The following RRBP1 variants were observed in gnomAD, a reference collection of about 807,000 sequenced individuals.
The protein encoded by RRBP1 is ribosome binding protein 1.
RRBP1 carries 94 observed loss-of-function variants against 165.2 expected under a neutral mutation model. That is an observed-to-expected ratio of 0.57 (90% CI 0.48 to 0.68). The LOEUF is 0.68. Among genes scored for constraint, RRBP1 ranks in the 30% least tolerant of loss-of-function variants. The probability of loss-of-function intolerance (pLI) is 0.00; values close to 1 mark genes in which losing one functional copy is unlikely to be tolerated. For missense variants in RRBP1, 1,676 were observed against 1,763.0 expected (o/e 0.95, Z 0.88); for synonymous variants, 680 against 714.5 (o/e 0.95, Z 0.77).
At chr20:17,633,430 G>A in intron 8 of RRBP1, 30 bp downstream of exon 8, 1 of 1,603,670 alleles carries the variant, frequency 6.2e-7, no homozygotes, top group Non-Finnish European at 8.5e-7. Context: ...CAGTGAACAG[G>A]GCACTGAGGC....
intron 2 of RRBP1, among the ~76,000 whole-genome samples, chr20:17,664,541 C>T (rs2036831517): frequency 6.6e-6 from 1 of 152,236 alleles, no homozygotes; most frequent in Non-Finnish European, 1.5e-5. Flanking sequence ...ACTGAACTCA[C>T]TGGCCCACCT....
chr20:17,631,149 T>C (rs1371100282), intron 8 of RRBP1, among the ~76,000 whole-genome samples: 1 of 152,236 alleles, frequency 6.6e-6, no homozygotes, highest in Non-Finnish European at 1.5e-5. Flanking sequence ...AAGGAGTGAC[T>C]GCAAGCTGCT....
chr20:17,669,236 G>T (rs1391949097), intron 2 of RRBP1, among the ~76,000 whole-genome samples: 1 of 152,148 alleles, frequency 6.6e-6, no homozygotes, highest in East Asian at 1.9e-4. Context: ...ATGCCTGAGG[G>T]GGGTAAAAAA....
intron 15 of RRBP1, 57 bp downstream of exon 15, chr20:17,621,633 C>T (rs1305394255): frequency 6.3e-7 from 1 of 1,597,280 alleles, no homozygotes; most frequent in African/African-American, 1.3e-5. Context: ...GGGGCAGCCC[C>T]TCTTCCTGGG....
At chr20:17,662,849 C>A (rs1046764963) in intron 2 of RRBP1, among the ~76,000 whole-genome samples, 1 of 152,032 alleles carries the variant, frequency 6.6e-6, no homozygotes, top group Non-Finnish European at 1.5e-5. Context: ...CAGAACTCTG[C>A]CAAAATGGAC....
intron 2 of RRBP1, among the ~76,000 whole-genome samples, chr20:17,663,710 G>C (rs1468219372): frequency 6.6e-6 from 1 of 152,186 alleles, no homozygotes; most frequent in Non-Finnish European, 1.5e-5. Context: ...AAATGATGAA[G>C]CCAGGGATGC....
Position 17,635,646 on chromosome 20 carries a change from G to C in RRBP1, c.2356C>G (p.Gln786Glu). The change falls in exon 7 of 25, where the codon CAG becomes GAG. Residue 786 changes from glutamine to glutamate, a missense_variant. Gln to Glu is a conservative substitution (Grantham distance 29). This residue lies in a region of RRBP1 where 1,184 missense variants were observed against 1,167.1 expected (regional missense o/e 1.01). Transcript: ENST00000377813. ...TGCGTGTTGGGGCCATTCTCCAGCT[G>C]CTCCTGAAGAGTCCGGATCTGGAAA... Reference protein sequence around the residue: ...LQGKIRTLQEQLENGPNTQLA... With the variant: ...LQGKIRTLQEELENGPNTQLA... 6.2e-7 allele frequency: 1 copy of C among 1,613,430 alleles called. No individual in the cohort carries two copies. The highest frequency in any genetic ancestry group is 8.5e-7 in the Non-Finnish European group (1 of 1,179,870).
At chr20:17,649,517 C>T (rs1431366678) in intron 3 of RRBP1, among the ~76,000 whole-genome samples, 3 of 147,294 alleles carry the variant, frequency 2.0e-5, no homozygotes, top group Admixed American at 7.0e-5. Context: ...AGAGCAGTGG[C>T]GTCAGACCTG....
In RRBP1 at chr20:17,660,268, A is replaced by G; in HGVS notation, c.240T>C (p.Asn80=). Reference sequence around the variant, plus strand: ...CTGGATCATGATCAGGTATCTTCCCATTAGGTTTCTCTTCCTTTTTCTTGG... The same window carrying G: ...CTGGATCATGATCAGGTATCTTCCCGTTAGGTTTCTCTTCCTTTTTCTTGG... ...GKTKKKEEKP[N]GKIPDHDPAP... The change falls in exon 3 of 25, where the codon AAT becomes AAC. Residue 80 remains asparagine (N), a synonymous_variant. Coordinates refer to ENST00000377813, the MANE Select transcript of RRBP1 (RefSeq NM_001365613.2). The G allele has an allele frequency of 6.2e-7, 1 of 1,608,488 alleles. No homozygotes were observed. The highest frequency in any genetic ancestry group is 8.5e-7 in the Non-Finnish European group (1 of 1,176,986).
intron 21 of RRBP1, among the ~76,000 whole-genome samples, chr20:17,616,349 T>C (rs995524568): frequency 2.0e-5 from 3 of 152,156 alleles, no homozygotes; most frequent in Non-Finnish European, 4.4e-5. Context: ...TGGTGGCTAT[T>C]GCCGGGCTCA....
chr20:17,643,939 A>G lies in RRBP1; in HGVS notation c.1913-812T>C, dbSNP rs2036415468. Among the ~76,000 whole-genome samples, 2 of 152,162 alleles carry G rather than the reference A, an allele frequency of 1.3e-5. No homozygotes were observed. Among genetic ancestry groups the G allele is most frequent in the Admixed American group, 1.3e-4 (2 of 15,282 alleles). ...CCTCGGAAGCAAGAAAGGGTGAACC[A>G]AGATGCCACGCCTGAGTGCCTGGAC... On this transcript the variant is annotated intron_variant, in intron 3 of 24. Transcript: ENST00000377813. This position sits in a 1 kb window ranked among gnomAD's most constrained non-coding sequence, Gnocchi z 4.3.
chr20:17,674,132 T>C (rs2037029628), intron 2 of RRBP1, among the ~76,000 whole-genome samples: 1 of 152,210 alleles, frequency 6.6e-6, no homozygotes. Flanking sequence ...ACACACCACC[T>C]GGGTTTGAAC....
chr20:17,631,120 C>T (rs567939758), intron 8 of RRBP1, among the ~76,000 whole-genome samples: 58 of 152,328 alleles, frequency 3.8e-4, no homozygotes, highest in Middle Eastern at 3.4e-3. Context: ...GTTCCAACTC[C>T]TAGGGAGGAA....
At chr20:17,666,277 CAGG>C (rs2036865386) in intron 2 of RRBP1, among the ~76,000 whole-genome samples, 2 of 151,510 alleles carry the variant, frequency 1.3e-5, no homozygotes, top group Non-Finnish European at 1.5e-5. Context: ...GGGGCTGAGG[CAGG>C]AGTTCACTTG....
intron 7 of RRBP1, among the ~76,000 whole-genome samples, chr20:17,634,838 G>A (rs536524773): frequency 5.9e-5 from 9 of 152,190 alleles, no homozygotes; most frequent in Admixed American, 1.3e-4. Flanking sequence ...CTCACTCCAC[G>A]TCAGAGGGAG....
intron 5 of RRBP1, among the ~76,000 whole-genome samples, chr20:17,637,137 CT>C (rs1250077344): frequency 6.6e-6 from 1 of 151,652 alleles, no homozygotes; most frequent in African/African-American, 2.4e-5. Context: ...TTCATCAGGA[CT>C]GAAAGGCACC....
chr20:17,620,910 G>T, intron 16 of RRBP1, 103 bp from the exon 17 acceptor site: 1 of 811,426 alleles, frequency 1.2e-6, no homozygotes, highest in Non-Finnish European at 1.9e-6. Context: ...GCCGTGCTCC[G>T]CCTGCTGACT....
rs150782548 is a variant in RRBP1, at chr20:17,636,494, C to G, written c.2337+83G>C. 9.2e-6 allele frequency: 14 copies of G among 1,523,220 alleles called. No homozygotes were observed. The East Asian group carries it at 3.2e-4, about 34-fold the overall frequency. The allele number at this position is 1,523,220 out of a possible 1,614,324, so 94.4% of individuals were successfully genotyped here. The stretch of plus-strand genomic sequence containing the variant: ...CTCAACCCCCTCCTCATGCCTCACC[C>G]TTTGGGCCTCTCTGGCTCCCTCCGT... On this transcript the variant is annotated intron_variant, in intron 6 of 24. Transcript: ENST00000377813.
chr20:17,638,613 T>C (rs2122344617), intron 5 of RRBP1, among the ~76,000 whole-genome samples: 1 of 152,318 alleles, frequency 6.6e-6, no homozygotes, highest in South Asian at 2.1e-4. Flanking sequence ...CTATGGTTTC[T>C]TTTTCTTCAA....
Sources: allele counts gnomAD v4.1 joint callset (sites outside exome capture counted in the v4.1 genomes callset), GRCh38; gene constraint gnomAD v4.1.1; regional missense constraint gnomAD v4.1.1; non-coding constraint Gnocchi (gnomAD v3.1); transcripts MANE v1.5; gene names NCBI Gene and HGNC (gene_info 2026-07-23, HGNC 2026-07-21).